ASPM: variants seen among roughly 807,000 people sequenced by gnomAD.
ASPM encodes abnormal spindle-like microcephaly-associated protein.
Under a neutral mutation model 366.4 loss-of-function variants are expected in ASPM, and 256 were observed. The observed-to-expected ratio is 0.70, with a 90% confidence interval of 0.63 to 0.77. The LOEUF is 0.77. Among genes scored for constraint, ASPM ranks in the 30% least tolerant of loss-of-function variants. ASPM has a pLI of 0.00. For missense variants in ASPM, 4,146 were observed against 4,090.4 expected, an observed-to-expected ratio of 1.01 and a Z score of -0.37; for synonymous variants, 1,414 against 1,342.9, an observed-to-expected ratio of 1.05 and a Z score of -1.16.
chr1:197,131,724 G>C (rs374642727), intron 7 of ASPM, among the ~76,000 whole-genome samples: 4 of 151,716 alleles, frequency 2.6e-5, no homozygotes, highest in African/African-American at 7.3e-5. Context: ...ACGCCTGGCT[G>C]ATTTTTTTGT....
chr1:197,101,866 AT>A lies in ASPM; in HGVS notation c.7384del (p.Ile2462LeufsTer10). 6.2e-7 allele frequency: 1 copy of A among 1,612,824 alleles called. No individual in the cohort carries two copies. The highest frequency in any genetic ancestry group is 2.2e-5 in the East Asian group (1 of 44,834). On this transcript the variant is annotated frameshift_variant, in exon 18 of 28. Transcript: ENST00000367409. LOFTEE classifies it high-confidence loss of function. ...YQFLHLRKAAITIQSSYRRLM... is the reference protein window; with the variant it reads ...YQFLHLRKAAXTIQSSYRRLM... ...TCTTCTGTAAGATGACTGTATTGTA[AT>A]GGCTGCCTTTCTTAAGTGCAAGAAT...
chr1:197,118,029 A>C (rs751648747), intron 16 of ASPM, 46 bp from the exon 17 acceptor site: 4 of 1,522,218 alleles, frequency 2.6e-6, no homozygotes, highest in Non-Finnish European at 2.7e-6. Flanking sequence ...CTCACTTAAG[A>C]CCTTAAATTA....
intron 18 of ASPM, among the ~76,000 whole-genome samples, chr1:197,099,422 T>C (rs569676617): frequency 4.6e-5 from 7 of 151,766 alleles, no homozygotes; most frequent in South Asian, 4.1e-4. Context: ...ACGTTATCTC[T>C]TGCAATTGGA....
rs1658674991 is a variant in ASPM, at chr1:197,143,659, A to T, written c.593T>A (p.Leu198Ter). Residue 198 changes from leucine (L) to a stop codon, truncating the protein, a stop_gained, in exon 3 of 28, where the codon TTG becomes TAG. Transcript: ENST00000367409. LOFTEE classifies it high-confidence loss of function. ...VRSPLQACEN[L>*]AMNEGGPPTE... is the part of the protein sequence containing the mutation. Reference sequence around the variant, plus strand: ...TGGGGGACCGCCTTCATTCATAGCCAAGTTTTCACAAGCTTGTAGTGGGCT... The same window carrying T: ...TGGGGGACCGCCTTCATTCATAGCCTAGTTTTCACAAGCTTGTAGTGGGCT... 2 of 1,613,536 alleles carry T rather than the reference A, an allele frequency of 1.2e-6. No homozygotes were observed.
At chr1:197,133,001 A>T (rs1658309856) in intron 6 of ASPM, among the ~76,000 whole-genome samples, 1 of 152,104 alleles carries the variant, frequency 6.6e-6, no homozygotes, top group Non-Finnish European at 1.5e-5. Flanking sequence ...TTGTCAAAGG[A>T]GTATAAAGTC....
intron 27 of ASPM, among the ~76,000 whole-genome samples, chr1:197,084,783 G>A (rs545912952): frequency 1.3e-5 from 2 of 152,146 alleles, no homozygotes; most frequent in South Asian, 4.2e-4. Context: ...TGGCCAAAAA[G>A]CCAACAACCT....
chr1:197,105,347 A>C (rs1008232049), intron 17 of ASPM, among the ~76,000 whole-genome samples, 162 bp from the exon 18 acceptor site: 3 of 152,018 alleles, frequency 2.0e-5, no homozygotes, highest in African/African-American at 7.2e-5. Flanking sequence ...TTTTTAGTTT[A>C]GGTTTTACAT....
At chr1:197,093,026 G>A (rs748727275) in intron 21 of ASPM, 26 bp downstream of exon 21, 2 of 1,549,346 alleles carry the variant, frequency 1.3e-6, no homozygotes, top group Admixed American at 1.7e-5. Flanking sequence ...TTATAAGAAT[G>A]AGATATGCTA....
At position 197,091,932 on chromosome 1, in the gene ASPM, T is replaced by C. The variant is rs1165976155; in HGVS notation, c.9419A>G (p.Gln3140Arg). 3.1e-6 allele frequency: 5 copies of C among 1,610,852 alleles called. No individual in the cohort carries two copies. The Admixed American group carries it at 8.3e-5, about 27-fold the overall frequency. The change falls in exon 22 of 28, where the codon CAG becomes CGG. Residue 3140 changes from glutamine to arginine, a missense_variant. Physicochemically the swap from Gln to Arg is conservative, Grantham distance 43. This residue lies in a region of ASPM where 3,624 missense variants were observed against 3,591.7 expected (regional missense o/e 1.01). Transcript: ENST00000367409. ...LYLAVKNANK[Q>R]VNSVICIQRW... is the part of the protein sequence containing the mutation. ...CTGAATACAGATGACTGAATTAACC[T>C]GCTTGTTAGCATTCTTCACAGCCAG...
chr1:197,088,092 A>C, intron 26 of ASPM, 164 bp downstream of exon 26: 1 of 665,432 alleles, frequency 1.5e-6, no homozygotes, highest in Non-Finnish European at 2.5e-6. Context: ...GAAAGAAACA[A>C]CTCATAGATA....
At chr1:197,124,737 T>C in intron 12 of ASPM, 133 bp downstream of exon 12, 1 of 686,192 alleles carries the variant, frequency 1.5e-6, no homozygotes, top group Non-Finnish European at 2.6e-6. Flanking sequence ...ATAGCATTTA[T>C]CACAGTTACT....
rs759470491 is a variant in ASPM at position 197,102,932 on chromosome 1, T to C, written c.6319A>G (p.Ile2107Val). 1.9e-6 allele frequency: 3 copies of C among 1,612,392 alleles called. No individual in the cohort carries two copies. In the East Asian group the frequency reaches 6.7e-5, roughly 36 times the overall value. The part of the protein sequence containing the change: ...AIKIQSVYRG[I>V]RVRRHIQHMH... The stretch of plus-strand genomic sequence containing the variant: ...TGTTGAATATGTCTTCTAACTCTAA[T>C]ACCTCTATAAACAGATTGGATTTTA... The change falls in exon 18 of 28, where the codon ATT becomes GTT. Residue 2107 changes from isoleucine (I) to valine (V), a missense_variant. Physicochemically the swap from Ile to Val is conservative, Grantham distance 29. Around this residue, in one of 3 missense-constraint regions of ASPM, gnomAD observed 3,624 missense variants for 3,591.7 expected, o/e 1.01. Coordinates refer to ENST00000367409, the MANE Select transcript of ASPM (RefSeq NM_018136.5).
chr1:197,139,692 A>G (rs1658524774), intron 4 of ASPM, 75 bp downstream of exon 4: 1 of 1,164,098 alleles, frequency 8.6e-7, no homozygotes, highest in South Asian at 1.2e-5. Context: ...AAATCAATTC[A>G]TTTCCATGTG....
At position 197,104,590 on chromosome 1, in the gene ASPM, T is replaced by C. The variant is rs768039817; in HGVS notation, c.4661A>G (p.His1554Arg). Residue 1554 changes from histidine to arginine, a missense_variant, in exon 18 of 28, where the codon CAT (histidine) becomes CGT (arginine). Transcript: ENST00000367409. ...AGCTCTAATTTGTCTACATAAATTA[T>C]GAGCTTTCAGTCTCCTAAAAGCAGC... ...LQAAFRRLKA[H>R]NLCRQIRAAC... 1 of 1,612,930 alleles carries C rather than the reference T, an allele frequency of 6.2e-7. No homozygotes were observed. Among genetic ancestry groups the C allele is most frequent in the South Asian group, 1.1e-5 (1 of 91,064 alleles).
Position 197,101,746 on chromosome 1 carries a change from G to A in ASPM, c.7505C>T (p.Thr2502Ile), listed in dbSNP as rs772067910. The A allele has an allele frequency of 4.3e-6, 7 of 1,612,238 alleles. No homozygotes were observed. In the South Asian group the frequency reaches 7.7e-5, roughly 18 times the overall value. ...RMYRTYITFQ[T>I]WKHASILIQQ... The stretch of plus-strand genomic sequence containing the variant: ...AATTAGAATTGAAGCATGTTTCCAA[G>A]TCTGAAATGTAATATATGTTCTGTA... Residue 2502 changes from threonine to isoleucine, a missense_variant, in exon 18 of 28, where the codon ACT becomes ATT. Thr to Ile is a moderately conservative substitution (Grantham distance 89). This residue lies in a region of ASPM where 3,624 missense variants were observed against 3,591.7 expected (regional missense o/e 1.01). Transcript: ENST00000367409.
At chr1:197,087,181 T>G (rs1049338357) in intron 26 of ASPM, among the ~76,000 whole-genome samples, 4 of 152,012 alleles carry the variant, frequency 2.6e-5, no homozygotes, top group Admixed American at 1.3e-4. Context: ...TTCACGCCAT[T>G]CTCCTGCCTC....
intron 17 of ASPM, among the ~76,000 whole-genome samples, chr1:197,111,680 C>T (rs1239782212): frequency 5.3e-5 from 8 of 151,616 alleles, no homozygotes; most frequent in African/African-American, 1.2e-4. Flanking sequence ...TCAACCAAGA[C>T]GTCCATCAAC....
At position 197,101,050 on chromosome 1, in the gene ASPM, T is replaced by C. The variant is rs370826202; in HGVS notation, c.8201A>G (p.Asn2734Ser). ...TACAGATTTCTGAACTGCTAAAAAG[T>C]TTTTTCTTTCTGTTTTTACTCTAAC... The part of the protein sequence containing the change: ...LYVRVKTERK[N>S]FLAVQKSVRT... Residue 2734 changes from asparagine to serine, a missense_variant, in exon 18 of 28, where the codon AAC (asparagine) becomes AGC (serine). Coordinates refer to ENST00000367409, the MANE Select transcript of ASPM (RefSeq NM_018136.5). 1.4e-5 allele frequency: 22 copies of C among 1,611,354 alleles called. No homozygotes were observed. Among genetic ancestry groups the C allele is most frequent in the African/African-American group, 2.7e-5 (2 of 74,628 alleles).
intron 17 of ASPM, among the ~76,000 whole-genome samples, chr1:197,113,406 G>A (rs899043064): frequency 2.6e-5 from 4 of 152,058 alleles, no homozygotes; most frequent in African/African-American, 9.7e-5. Context: ...GTATACTGAA[G>A]GTAGCATGGC....
Sources: allele counts gnomAD v4.1 joint callset (sites outside exome capture counted in the v4.1 genomes callset), GRCh38; gene constraint gnomAD v4.1.1; regional missense constraint gnomAD v4.1.1; transcripts MANE v1.5; gene names NCBI Gene and HGNC (gene_info 2026-07-23, HGNC 2026-07-21).